ARHGAP44: variants seen among roughly 807,000 people sequenced by gnomAD.
ARHGAP44 encodes the protein Rho GTPase activating protein 44.
ARHGAP44 carries 43 observed loss-of-function variants against 106.8 expected under a neutral mutation model. That is an observed-to-expected ratio of 0.40 (90% CI 0.32 to 0.52). ARHGAP44 has a LOEUF of 0.52. Among genes scored for constraint, ARHGAP44 ranks in the 20% least tolerant of loss-of-function variants. The probability of loss-of-function intolerance (pLI) is 0.48; values close to 1 mark genes in which losing one functional copy is unlikely to be tolerated. For synonymous variants in ARHGAP44, 439 were observed against 410.3 expected (o/e 1.07, Z -0.85); for missense variants, 866 against 1,050.5 (o/e 0.82, Z 2.43).
chr17:12,916,194 C>G (rs750145172), intron 5 of ARHGAP44, among the ~76,000 whole-genome samples, 183 bp downstream of exon 5: 6 of 152,082 alleles, frequency 3.9e-5, no homozygotes, highest in South Asian at 2.1e-4. Flanking sequence ...TTAGCATTTG[C>G]TACCCCTTCT....
intron 6 of ARHGAP44, among the ~76,000 whole-genome samples, chr17:12,925,993 A>G (rs947110814): frequency 3.3e-5 from 5 of 152,230 alleles, no homozygotes; most frequent in Admixed American, 6.5e-5. Flanking sequence ...TCACATGACA[A>G]GAGTTTACCT....
intron 1 of ARHGAP44, among the ~76,000 whole-genome samples, chr17:12,842,941 G>A (rs1427687045): frequency 6.6e-6 from 1 of 152,166 alleles, no homozygotes; most frequent in Non-Finnish European, 1.5e-5. Context: ...TCTAGGTGCA[G>A]AAGGTCAGTA....
chr17:12,951,092 C>CT (rs1164583834), intron 12 of ARHGAP44, among the ~76,000 whole-genome samples: 23 of 152,168 alleles, frequency 1.5e-4, no homozygotes, highest in Non-Finnish European at 3.2e-4. Flanking sequence ...AAAAGGCTGG[C>CT]TGAATATATG....
chr17:12,915,094 A>G (rs1887305421), intron 4 of ARHGAP44, among the ~76,000 whole-genome samples: 1 of 152,208 alleles, frequency 6.6e-6, no homozygotes. Flanking sequence ...GCTGGAGTGC[A>G]GTGGCACTAT....
At chr17:12,921,778 G>A (rs2038092691) in intron 6 of ARHGAP44, among the ~76,000 whole-genome samples, 1 of 152,132 alleles carries the variant, frequency 6.6e-6, no homozygotes, top group Non-Finnish European at 1.5e-5. Context: ...TGGACGCAAG[G>A]AGTAACATTC....
intron 1 of ARHGAP44, among the ~76,000 whole-genome samples, chr17:12,797,103 TTGTA>T (rs887903117): frequency 6.6e-5 from 10 of 152,216 alleles, no homozygotes; most frequent in African/African-American, 2.4e-4. Context: ...AAAATTTTTG[TTGTA>T]TGTCTCTTTT....
intron 1 of ARHGAP44, among the ~76,000 whole-genome samples, chr17:12,849,497 G>T (rs2035675278): frequency 6.8e-6 from 1 of 146,932 alleles, no homozygotes; most frequent in East Asian, 2.0e-4. Context: ...AATTGTGGTT[G>T]TTCCCTGGAA....
At position 12,834,218 on chromosome 17, in the gene ARHGAP44, C is replaced by T. The variant is rs559261286; in HGVS notation, c.53+44327C>T. Among the ~76,000 whole-genome samples the T allele has an allele frequency of 6.6e-5, 10 of 152,194 alleles. No homozygotes were observed. In the East Asian group the frequency reaches 7.8e-4, roughly 12 times the overall value. ...AGCTGCTCCTCTCTCCCCTCTCCAC[C>T]GTCCACTCTTCTTGCTCCTGGCTCT... On this transcript the variant is annotated intron_variant, in intron 1 of 20. Transcript: ENST00000379672.
At chr17:12,916,890 G>A (rs904695810) in intron 5 of ARHGAP44, among the ~76,000 whole-genome samples, 2 of 152,194 alleles carry the variant, frequency 1.3e-5, no homozygotes, top group African/African-American at 4.8e-5. Flanking sequence ...TCTGTTAATA[G>A]ATTGAGCATC....
At position 12,909,757 on chromosome 17, in the gene ARHGAP44, G is replaced by T. The variant is rs149499142; in HGVS notation, c.275+784G>T. On this transcript the variant is annotated intron_variant, in intron 4 of 20. Transcript: ENST00000379672. ...GTGGGAATTCCTGAGGAAGAAAATA[G>T]GGAGAAAGGTAAGTTTGTGGTTGAA... 1.1e-3 allele frequency among the ~76,000 whole-genome samples: 174 copies of T among 152,252 alleles called. 2 individuals carry two copies. Among genetic ancestry groups the T allele is most frequent in the African/African-American group, 2.9e-3 (120 of 41,558 alleles).
Position 12,949,825 on chromosome 17 carries a change from C to A in ARHGAP44, c.1055+95C>A. On this transcript the variant is annotated intron_variant, in intron 12 of 20. Coordinates refer to ENST00000379672, the MANE Select transcript of ARHGAP44 (RefSeq NM_014859.6). The surrounding 1 kb of genome is among the most constrained non-coding windows in gnomAD (Gnocchi z 4.1). ...AAGCATGTAACCTATGATCTCGCAA[C>A]CCCGTTTCTTGATCTCTGCCATGAA... 1 of 1,250,948 alleles carries A rather than the reference C, an allele frequency of 8.0e-7. No individual in the cohort carries two copies. Among genetic ancestry groups the A allele is most frequent in the Non-Finnish European group, 1.1e-6 (1 of 875,126 alleles). 77.5% of individuals were successfully genotyped at this position (1,250,948 alleles called of 1,614,324 possible).
At chr17:12,815,142 A>G in intron 1 of ARHGAP44, among the ~76,000 whole-genome samples, 1 of 151,308 alleles carries the variant, frequency 6.6e-6, no homozygotes, top group Middle Eastern at 3.4e-3. Flanking sequence ...TTTTTTTTTT[A>G]AAAGATTCTT....
intron 12 of ARHGAP44, among the ~76,000 whole-genome samples, chr17:12,950,897 C>T (rs778107039): frequency 6.6e-6 from 1 of 152,108 alleles, no homozygotes; most frequent in African/African-American, 2.4e-5. Flanking sequence ...CATTACCTGT[C>T]AGGAACAACA....
In ARHGAP44 at chr17:12,979,947, G is replaced by C. The variant is rs191960435; in HGVS notation, c.1764-111G>C. 1,001 of 1,199,152 alleles carry C rather than the reference G, an allele frequency of 8.3e-4. 1 individual carries two copies. The highest frequency in any genetic ancestry group is 1.0e-3 in the Non-Finnish European group (901 of 869,684). The allele number at this position is 1,199,152 out of a possible 1,614,324, so 74.3% of individuals were successfully genotyped here. On this transcript the variant is annotated intron_variant, in intron 18 of 20. Transcript: ENST00000379672. ...AGGGGCCAAGACAGACCAGAGCTGG[G>C]ACAGACTTGCACGGGGCCCAGAAGG...
chr17:12,956,848 T>C lies in ARHGAP44; in HGVS notation c.1342+102T>C, dbSNP rs1246216425. The C allele has an allele frequency of 3.0e-5, 27 of 886,726 alleles. No individual in the cohort carries two copies. In the Admixed American group the frequency reaches 6.0e-4, roughly 20 times the overall value. The allele number at this position is 886,726 out of a possible 1,614,324, so 54.9% of individuals were successfully genotyped here. On this transcript the variant is annotated intron_variant, in intron 15 of 20. Transcript: ENST00000379672. ...CAAGTACCACTGCCCACAGGCTTTT[T>C]TTTTTGATTCCCCTATAAACACACA... is the stretch of plus-strand genomic sequence containing the variant.
chr17:12,830,151 A>G (rs2035042160), intron 1 of ARHGAP44, among the ~76,000 whole-genome samples: 1 of 152,194 alleles, frequency 6.6e-6, no homozygotes, highest in Non-Finnish European at 1.5e-5. Flanking sequence ...GTAAATATTT[A>G]TTCAAATGCT....
chr17:12,950,490 C>T (rs538471695), intron 12 of ARHGAP44, among the ~76,000 whole-genome samples: 10 of 152,196 alleles, frequency 6.6e-5, no homozygotes, highest in Non-Finnish European at 1.3e-4. Flanking sequence ...AGCCCTGATG[C>T]ATGCTCTGGC....
At chr17:12,969,240 C>T (rs1015571897) in intron 16 of ARHGAP44, among the ~76,000 whole-genome samples, 1 of 152,120 alleles carries the variant, frequency 6.6e-6, no homozygotes, top group African/African-American at 2.4e-5. Context: ...GTAGAGTATC[C>T]TTTTCCCCCC....
At chr17:12,934,370 T>G in intron 7 of ARHGAP44, among the ~76,000 whole-genome samples, 1 of 152,222 alleles carries the variant, frequency 6.6e-6, no homozygotes, top group African/African-American at 2.4e-5. Context: ...ACATATATTG[T>G]TAGACTAAAA....
Sources: gnomAD v4.1 joint callset for allele counts (sites outside exome capture counted in the v4.1 genomes callset) on GRCh38, gnomAD v4.1.1 for gene constraint, Gnocchi (gnomAD v3.1) non-coding constraint, MANE v1.5 for transcripts, NCBI Gene and HGNC (gene_info 2026-07-23, HGNC 2026-07-21) for gene names.